Variants in GLRA3 observed in about 807,000 individuals in gnomAD.
GLRA3 encodes glycine receptor alpha 3, also known as glycine receptor subunit alpha-3.
Under a neutral mutation model 60.4 loss-of-function variants are expected in GLRA3, and 44 were observed. The observed-to-expected ratio is 0.73, with a 90% CI of 0.57 to 0.94. The LOEUF (loss-of-function observed/expected upper bound fraction) is 0.94, where lower values mean the gene tolerates loss of function less well. Ranked by LOEUF, GLRA3 falls within the 40% of genes least tolerant of loss-of-function variation. GLRA3 has a pLI of 0.00. For synonymous variants in GLRA3, 223 were observed against 192.9 expected (o/e 1.16, Z -1.29); for missense variants, 508 against 564.6 (o/e 0.90, Z 1.02).
In GLRA3 at chr4:174,642,964, T is replaced by C; in HGVS notation, c.*822A>G. 8.5e-6 allele frequency: 7 copies of C among 827,466 alleles called. No homozygotes were observed. The highest frequency in any genetic ancestry group is 8.7e-6 in the Non-Finnish European group (6 of 686,552). 51.3% of individuals were successfully genotyped at this position (827,466 alleles called of 1,614,324 possible). On this transcript the variant is annotated 3_prime_UTR_variant, in exon 10 of 10. Coordinates refer to ENST00000274093, the MANE Select transcript of GLRA3 (RefSeq NM_006529.4). Reference sequence around the variant, plus strand: ...AATTATTAAACACAATCACATACAGTTAAGTAGCTATTAAAAGTCTAACAA... The same window carrying C: ...AATTATTAAACACAATCACATACAGCTAAGTAGCTATTAAAAGTCTAACAA...
At position 174,721,855 on chromosome 4, in the gene GLRA3, ATATGTGTG is replaced by A. The variant is rs1300590279; in HGVS notation, c.492-6293_492-6286del. On this transcript the variant is annotated intron_variant, in intron 4 of 9. Transcript: ENST00000274093. ...TATGTGTGTGTATATGTGTGTATAC[ATATGTGTG>A]TGTATATGTGTGTGTATATATATAT... Among the ~76,000 whole-genome samples, 7 of 97,874 alleles carry A rather than the reference ATATGTGTG, an allele frequency of 7.2e-5. No homozygotes were observed. In the East Asian group the frequency reaches 2.1e-3, roughly 29 times the overall value. 64.2% of individuals were successfully genotyped at this position (97,874 alleles called of 152,430 possible).
At chr4:174,810,992 T>C (rs1249152524) in intron 1 of GLRA3, among the ~76,000 whole-genome samples, 1 of 152,084 alleles carries the variant, frequency 6.6e-6, no homozygotes, top group Admixed American at 6.6e-5. Context: ...CTCATTCTTT[T>C]CATATGCAAA....
intron 3 of GLRA3, among the ~76,000 whole-genome samples, chr4:174,752,776 G>A (rs1013802789): frequency 5.9e-5 from 9 of 152,148 alleles, no homozygotes; most frequent in African/African-American, 2.2e-4. Flanking sequence ...TCTTCTTAAT[G>A]TTAATATATG....
chr4:174,651,710 C>A (rs920719431), intron 9 of GLRA3, among the ~76,000 whole-genome samples: 13 of 152,120 alleles, frequency 8.5e-5, no homozygotes, highest in Non-Finnish European at 1.6e-4. Flanking sequence ...ATCATTCACC[C>A]CTCAAGTCCT....
At chr4:174,708,886 A>C (rs551062722) in intron 5 of GLRA3, among the ~76,000 whole-genome samples, 1 of 151,356 alleles carries the variant, frequency 6.6e-6, no homozygotes, top group South Asian at 2.1e-4. Flanking sequence ...AAAAACTGAA[A>C]ATTCAGTTTT....
chr4:174,659,920 C>T (rs111885763), intron 7 of GLRA3, among the ~76,000 whole-genome samples: 2,985 of 148,042 alleles, frequency 0.02, 37 homozygotes, highest in Middle Eastern at 0.041. Flanking sequence ...TGCAGTGAGC[C>T]GAGATCACGC....
intron 6 of GLRA3, among the ~76,000 whole-genome samples, 195 bp downstream of exon 6, chr4:174,682,607 C>T (rs11939284): frequency 6.6e-6 from 1 of 151,918 alleles, no homozygotes; most frequent in African/African-American, 2.4e-5. Context: ...GCATTACTTT[C>T]GTCTCATACA....
At chr4:174,692,143 C>A (rs993292151) in intron 5 of GLRA3, among the ~76,000 whole-genome samples, 2 of 151,726 alleles carry the variant, frequency 1.3e-5, no homozygotes, top group African/African-American at 4.8e-5. Flanking sequence ...AAGTGAGGAG[C>A]CCCTCCGCCC....
intron 1 of GLRA3, among the ~76,000 whole-genome samples, chr4:174,823,788 T>C (rs928263988): frequency 2.6e-5 from 4 of 152,186 alleles, no homozygotes; most frequent in African/African-American, 7.2e-5. Context: ...GAAATGCTAA[T>C]GTTAAGGTCC....
intron 3 of GLRA3, among the ~76,000 whole-genome samples, chr4:174,750,001 T>C (rs1737403551): frequency 6.6e-6 from 1 of 152,240 alleles, no homozygotes; most frequent in African/African-American, 2.4e-5. Context: ...CTCCCATGTA[T>C]GATGAAGGAG....
chr4:174,767,123 TACACACACACAC>T lies in GLRA3; in HGVS notation c.200-105_200-94del, dbSNP rs10551381. ...GCATTCCATTATTATTATTCCATTT[TACACACACACAC>T]ACACACACACACACACACACAGATG... is the stretch of plus-strand genomic sequence containing the variant. On this transcript the variant is annotated intron_variant, in intron 2 of 9. Transcript: ENST00000274093. 3.4e-3 allele frequency: 1,601 copies of T among 471,888 alleles called. 21 individuals carry two copies. The East Asian group carries it at 0.053, about 16-fold the overall frequency. The allele number at this position is 471,888 out of a possible 1,614,324, so 29.2% of individuals were successfully genotyped here.
At chr4:174,702,895 C>A (rs1350073840) in intron 5 of GLRA3, among the ~76,000 whole-genome samples, 1 of 151,954 alleles carries the variant, frequency 6.6e-6, no homozygotes, top group East Asian at 1.9e-4. Flanking sequence ...TATAGTGAAC[C>A]CTCACATTTA....
At chr4:174,800,692 G>A (rs990473419) in intron 1 of GLRA3, among the ~76,000 whole-genome samples, 2 of 151,766 alleles carry the variant, frequency 1.3e-5, no homozygotes, top group African/African-American at 2.4e-5. Context: ...TTACACATAC[G>A]CACAATGTCT....
At chr4:174,681,087 C>G (rs931319871) in intron 6 of GLRA3, among the ~76,000 whole-genome samples, 1 of 152,172 alleles carries the variant, frequency 6.6e-6, no homozygotes, top group Non-Finnish European at 1.5e-5. Flanking sequence ...CTGGACAGTA[C>G]AGTGCTTCTA....
At chr4:174,683,090 G>A (rs552287829) in intron 5 of GLRA3, 151 bp from the exon 6 acceptor site, 58 of 610,278 alleles carry the variant, frequency 9.5e-5, no homozygotes, top group Middle Eastern at 8.7e-4. Flanking sequence ...GCCCAATTCC[G>A]TTTCATAAAT....
intron 3 of GLRA3, among the ~76,000 whole-genome samples, chr4:174,754,931 A>G (rs1177649326): frequency 6.6e-6 from 1 of 152,170 alleles, no homozygotes; most frequent in East Asian, 1.9e-4. Flanking sequence ...AACATGCGTG[A>G]AAGAGCAAAT....
chr4:174,724,955 A>G (rs1579509968), intron 4 of GLRA3, among the ~76,000 whole-genome samples: 1 of 152,232 alleles, frequency 6.6e-6, no homozygotes, highest in Non-Finnish European at 1.5e-5. Context: ...TTTAGTTTTC[A>G]GAAGTTTATG....
At chr4:174,755,806 T>G (rs1193205905) in intron 3 of GLRA3, among the ~76,000 whole-genome samples, 2 of 152,082 alleles carry the variant, frequency 1.3e-5, no homozygotes, top group Admixed American at 1.3e-4. Flanking sequence ...AACGAACTAT[T>G]ATTATTCATA....
At chr4:174,656,673 T>G (rs116039129) in intron 9 of GLRA3, 70 bp downstream of exon 9, 2 of 822,156 alleles carry the variant, frequency 2.4e-6, no homozygotes, top group East Asian at 2.5e-5. Flanking sequence ...GCCTTGGTAG[T>G]GCAGAATATG....
Sources: allele counts gnomAD v4.1 joint callset (sites outside exome capture counted in the v4.1 genomes callset), GRCh38; gene constraint gnomAD v4.1.1; transcripts MANE v1.5; gene names NCBI Gene and HGNC (gene_info 2026-07-23, HGNC 2026-07-21).